Variants in ZNF529 observed in about 807,000 individuals in gnomAD.
The protein encoded by ZNF529 is zinc finger protein 529.
In ZNF529, 11 loss-of-function variants were observed where a neutral mutation model predicts 10.1. The ratio of observed to expected loss-of-function variants is 1.09; its 90% CI spans 0.69 to 1.81. The LOEUF (loss-of-function observed/expected upper bound fraction) is 1.81. ZNF529 is among the 40% of genes most tolerant of loss of function. ZNF529 has a pLI of 0.00. For missense variants in ZNF529, 624 were observed against 666.8 expected, an observed-to-expected ratio of 0.94 and a Z score of 0.71; for synonymous variants, 204 against 215.7, an observed-to-expected ratio of 0.95 and a Z score of 0.47.
intron 4 of ZNF529, among the ~76,000 whole-genome samples, chr19:36,552,723 T>A (rs944958111): frequency 6.6e-6 from 1 of 152,348 alleles, no homozygotes; most frequent in South Asian, 2.1e-4. Context: ...AATGTTTTTT[T>A]TATTATAGCC....
intron 4 of ZNF529, among the ~76,000 whole-genome samples, chr19:36,550,186 T>TA (rs1422193529): frequency 6.6e-6 from 1 of 152,224 alleles, no homozygotes; most frequent in Non-Finnish European, 1.5e-5. Flanking sequence ...ACGACAACAT[T>TA]AAAACCAGAT....
intron 2 of ZNF529, among the ~76,000 whole-genome samples, chr19:36,570,360 C>CAAAAAAAAAA (rs58429405): frequency 2.8e-5 from 2 of 70,574 alleles, no homozygotes; most frequent in East Asian, 3.8e-4. Context: ...GACCCTATCT[C>CAAAAAAAAAA]AAAAAAAAAA....
At chr19:36,573,112 C>T in intron 1 of ZNF529, 28 bp downstream of exon 1, 1 of 247,674 alleles carries the variant, frequency 4.0e-6, no homozygotes, top group South Asian at 4.2e-5. Flanking sequence ...ACACACACCA[C>T]AATGACGTCG....
chr19:36,547,596 A>G lies in ZNF529; in HGVS notation c.962T>C (p.Phe321Ser), dbSNP rs1281048576. The G allele has an allele frequency of 6.2e-7, 1 of 1,613,840 alleles. No homozygotes were observed. Among genetic ancestry groups the G allele is most frequent in the East Asian group, 2.2e-5 (1 of 44,872 alleles). ...CTGATGTTCGGTAAGCTGTGAATGA[A>G]ATCTGAAGTCCTTGCCACATTCCAT... ...KCMECGKDFR[F>S]HSQLTEHQRI... is the part of the protein sequence containing the mutation. Residue 321 changes from phenylalanine to serine, a missense_variant, in exon 5 of 5, where the codon TTT becomes TCT. Physicochemically the swap from Phe to Ser is radical, Grantham distance 155 (BLOSUM62 -2). Coordinates refer to ENST00000591340, the MANE Select transcript of ZNF529 (RefSeq NM_020951.5).
In ZNF529 at chr19:36,560,112, C is replaced by CCGGGTGTGGTGATG. The variant is rs2035626406; in HGVS notation, c.15-3929_15-3916dup. Among the ~76,000 whole-genome samples the CCGGGTGTGGTGATG allele has an allele frequency of 4.6e-5, 7 of 152,074 alleles. No individual in the cohort carries two copies. The South Asian group carries it at 1.5e-3, about 32-fold the overall frequency. ...GGTCTCTACTGAAATAAAAAATTAG[C>CCGGGTGTGGTGATG]CGGGTGTGGTGATGCATGCCTGTAA... is the stretch of plus-strand genomic sequence containing the variant. On this transcript the variant is annotated intron_variant, in intron 2 of 4. Transcript: ENST00000591340.
At position 36,547,161 on chromosome 19, in the gene ZNF529, A is replaced by G. The variant is rs563607868; in HGVS notation, c.1397T>C (p.Ile466Thr). The change falls in exon 5 of 5, where the codon ATT becomes ACT. Residue 466 changes from isoleucine to threonine, a missense_variant. By Grantham distance (89) the Ile-to-Thr change is moderately conservative. Transcript: ENST00000591340. ...GKFFRLTSAL[I>T]QHQRIHSGEK... is the part of the protein sequence containing the mutation. Reference sequence around the variant, plus strand: ...ACCACTATGAATTCTTTGATGTTGAATAAGGGCTGACGTAAGTCTAAAGAA... The same window carrying G: ...ACCACTATGAATTCTTTGATGTTGAGTAAGGGCTGACGTAAGTCTAAAGAA... 3 of 1,613,112 alleles carry G rather than the reference A, an allele frequency of 1.9e-6. No homozygotes were observed. The highest frequency in any genetic ancestry group is 2.2e-5 in the East Asian group (1 of 44,800).
rs1209460656 is a variant in ZNF529, at chr19:36,554,355, A to G, written c.235+315T>C. On this transcript the variant is annotated intron_variant, in intron 4 of 4. Transcript: ENST00000591340. ...GCACTTTGGGAGGCCAAGGTGGGCG[A>G]ATCACAAGGTCAGGAGTTCAAGACC... is the stretch of plus-strand genomic sequence containing the variant. 4.6e-5 allele frequency among the ~76,000 whole-genome samples: 7 copies of G among 152,164 alleles called. No homozygotes were observed. In the East Asian group the frequency reaches 7.7e-4, roughly 17 times the overall value.
At chr19:36,564,360 A>G (rs1194250228) in intron 2 of ZNF529, among the ~76,000 whole-genome samples, 1 of 152,234 alleles carries the variant, frequency 6.6e-6, no homozygotes, top group Non-Finnish European at 1.5e-5. Context: ...CATTTAACAA[A>G]GGTCTAATAT....
intron 4 of ZNF529, among the ~76,000 whole-genome samples, chr19:36,554,117 G>A (rs2035364890): frequency 6.6e-6 from 1 of 152,116 alleles, no homozygotes; most frequent in Non-Finnish European, 1.5e-5. Context: ...TGCTATATGT[G>A]TCCCATAAGT....
intron 1 of ZNF529, among the ~76,000 whole-genome samples, chr19:36,595,535 C>T (rs2036821812): frequency 1.3e-5 from 2 of 151,988 alleles, no homozygotes; most frequent in African/African-American, 4.8e-5. Flanking sequence ...GTCCCTACAA[C>T]AAAACATTAA....
chr19:36,595,678 G>A (rs1483004899), intron 1 of ZNF529, among the ~76,000 whole-genome samples: 1 of 152,076 alleles, frequency 6.6e-6, no homozygotes, highest in Non-Finnish European at 1.5e-5. Flanking sequence ...CAGCCTGGAC[G>A]ACAGAGCAAG....
At chr19:36,591,565 A>G (rs1288270998) in intron 1 of ZNF529, among the ~76,000 whole-genome samples, 6 of 151,244 alleles carry the variant, frequency 4.0e-5, no homozygotes, top group Non-Finnish European at 8.9e-5. Flanking sequence ...TAAGAAATAC[A>G]AAAAAATCAG....
At chr19:36,552,300 T>C (rs766255163) in intron 4 of ZNF529, among the ~76,000 whole-genome samples, 2 of 151,960 alleles carry the variant, frequency 1.3e-5, no homozygotes, top group Admixed American at 6.6e-5. Context: ...CGTGGTGGCA[T>C]GCGCCTGTAG....
chr19:36,554,788 C>G lies in ZNF529; in HGVS notation c.117G>C (p.Val39=), dbSNP rs763047089. The G allele has an allele frequency of 4.5e-6, 7 of 1,558,084 alleles. No individual in the cohort carries two copies. Among genetic ancestry groups the G allele is most frequent in the Non-Finnish European group, 6.1e-6 (7 of 1,151,080 alleles). The part of the protein sequence containing the change: ...FTVLTMDHEL[V]TLRDVVINFS... ...AGTTGATGACCACATCCCTGAGTGT[C>G]ACCAGTTCCTGAAACAACAAACCCG... is the stretch of plus-strand genomic sequence containing the variant. The change falls in exon 4 of 5, where the codon GTG becomes GTC. Residue 39 remains valine, a synonymous_variant. Coordinates refer to ENST00000591340, the MANE Select transcript of ZNF529 (RefSeq NM_020951.5).
At chr19:36,590,352 G>A (rs1376099755) in intron 1 of ZNF529, among the ~76,000 whole-genome samples, 1 of 152,014 alleles carries the variant, frequency 6.6e-6, no homozygotes, top group Non-Finnish European at 1.5e-5. Flanking sequence ...TCCAGCCCAG[G>A]TGGCAGAGTG....
intron 1 of ZNF529, among the ~76,000 whole-genome samples, chr19:36,602,941 A>AC (rs2036952175): frequency 6.6e-6 from 1 of 151,232 alleles, no homozygotes; most frequent in Non-Finnish European, 1.5e-5. Flanking sequence ...AAAAGAAAAA[A>AC]AAAAAAAAAC....
intron 2 of ZNF529, among the ~76,000 whole-genome samples, chr19:36,585,513 C>A (rs1364473106): frequency 6.6e-6 from 1 of 152,196 alleles, no homozygotes. Flanking sequence ...TTCTGCTCAA[C>A]CCATTTCATC....
intron 2 of ZNF529, among the ~76,000 whole-genome samples, chr19:36,557,865 C>T (rs1273601417): frequency 6.6e-6 from 1 of 152,174 alleles, no homozygotes; most frequent in South Asian, 2.1e-4. Context: ...CCAGATTTAA[C>T]AGGCAAAGAC....
rs2035063004 is a variant in ZNF529 at position 36,547,199 on chromosome 19, C to T, written c.1359G>A (p.Lys453=). The T allele has an allele frequency of 6.2e-7, 1 of 1,613,734 alleles. No homozygotes were observed. Among genetic ancestry groups the T allele is most frequent in the Non-Finnish European group, 8.5e-7 (1 of 1,179,822 alleles). ...TAAGTCTAAAGAACTTTCCACACTCCTTACATTCATAAGGTTTTTGACCAC... is the reference window on the plus strand; with the variant it reads ...TAAGTCTAAAGAACTTTCCACACTCTTTACATTCATAAGGTTTTTGACCAC... ...IHSGQKPYEC[K]ECGKFFRLTS... Residue 453 remains lysine (K), a synonymous_variant, in exon 5 of 5, where the codon AAG becomes AAA. Coordinates refer to ENST00000591340, the MANE Select transcript of ZNF529 (RefSeq NM_020951.5).
Sources: gnomAD v4.1 joint callset for allele counts (sites outside exome capture counted in the v4.1 genomes callset) on GRCh38, gnomAD v4.1.1 for gene constraint, MANE v1.5 for transcripts, NCBI Gene and HGNC (gene_info 2026-07-23, HGNC 2026-07-21) for gene names.